NIPBL: variants seen among roughly 807,000 people sequenced by gnomAD.
The protein encoded by NIPBL is nipped-B-like protein.
A neutral mutation model predicts 321.8 loss-of-function variants in NIPBL; 19 were observed. The observed-to-expected ratio is 0.06, with a 90% CI of 0.04 to 0.09. The LOEUF is 0.09. Among genes scored for constraint, NIPBL ranks in the 10% least tolerant of loss-of-function variants. The pLI is 1.00. For synonymous variants in NIPBL, 1,106 were observed against 1,114.1 expected (o/e 0.99, Z 0.14); for missense variants, 2,210 against 3,327.0 (o/e 0.66, Z 8.26).
In NIPBL at chr5:37,064,008, G is replaced by A. The variant is rs777396886; in HGVS notation, c.8049+30G>A. ...GGCGGAGGAGGAGTCAACGTATTTC[G>A]CAGCGTATTACGTAAAATGATTTTT... On this transcript the variant is annotated intron_variant, in intron 46 of 46. Transcript: ENST00000282516. The A allele has an allele frequency of 3.4e-5, 54 of 1,611,260 alleles. No individual in the cohort carries two copies. Among genetic ancestry groups the A allele is most frequent in the Admixed American group, 5.0e-5 (3 of 59,572 alleles).
intron 24 of NIPBL, among the ~76,000 whole-genome samples, chr5:37,018,652 A>C (rs950499767): frequency 6.6e-6 from 1 of 152,276 alleles, no homozygotes; most frequent in South Asian, 2.1e-4. Context: ...ATGTATGGCT[A>C]TGTTGATTAT....
chr5:37,007,760 A>T (rs1288105069), intron 18 of NIPBL, among the ~76,000 whole-genome samples: 1 of 151,980 alleles, frequency 6.6e-6, no homozygotes, highest in Non-Finnish European at 1.5e-5. Context: ...TTCCTGTGAC[A>T]TTTGTAAACT....
intron 42 of NIPBL, among the ~76,000 whole-genome samples, chr5:37,056,067 T>G (rs902315844): frequency 6.6e-6 from 1 of 152,236 alleles, no homozygotes; most frequent in Admixed American, 6.5e-5. Flanking sequence ...AATACAGGGC[T>G]TTTATGGATG....
intron 1 of NIPBL, chr5:36,885,154 T>G (rs1429509357): frequency 2.1e-6 from 1 of 472,552 alleles, no homozygotes; most frequent in Non-Finnish European, 4.2e-6. Context: ...AAAATGCTAT[T>G]CAGGGTCAGC....
At chr5:36,878,157 A>T (rs963844687) in intron 1 of NIPBL, among the ~76,000 whole-genome samples, 2 of 152,206 alleles carry the variant, frequency 1.3e-5, no homozygotes, top group African/African-American at 4.8e-5. Flanking sequence ...AAATTAAGTT[A>T]TACTTAAAAT....
chr5:36,915,371 AAGTC>A (rs1406015778), intron 1 of NIPBL, among the ~76,000 whole-genome samples: 1 of 152,172 alleles, frequency 6.6e-6, no homozygotes, highest in Non-Finnish European at 1.5e-5. Context: ...GTTATAAACA[AAGTC>A]AGTTAACCAG....
chr5:36,946,434 T>TC (rs1739682499), intron 1 of NIPBL, among the ~76,000 whole-genome samples: 1 of 152,074 alleles, frequency 6.6e-6, no homozygotes, highest in South Asian at 2.1e-4. Context: ...GGTAGCTGTT[T>TC]CCTGTATTTG....
intron 9 of NIPBL, chr5:36,982,182 T>G: frequency 1.0e-6 from 1 of 969,240 alleles, no homozygotes; most frequent in Non-Finnish European, 1.2e-6. Context: ...TGTATTCTGA[T>G]AGCTAATCTT....
In NIPBL at chr5:36,971,037, G is replaced by T. The variant is rs587784048; in HGVS notation, c.771+1G>T. ...CATGGTGCACAGGCTAAGTAGTGAC[G>T]TATGTAATATATTATCATTAAGGTG... On this transcript the variant is annotated splice_donor_variant, in intron 7 of 46. Transcript: ENST00000282516. LOFTEE classifies it high-confidence loss of function. The T allele has an allele frequency of 6.2e-7, 1 of 1,607,880 alleles. No individual in the cohort carries two copies. The highest frequency in any genetic ancestry group is 8.5e-7 in the Non-Finnish European group (1 of 1,174,614).
chr5:37,015,389 G>T (rs1226304303), intron 22 of NIPBL, among the ~76,000 whole-genome samples: 1 of 152,158 alleles, frequency 6.6e-6, no homozygotes, highest in Non-Finnish European at 1.5e-5. Context: ...CTCCCAAAGT[G>T]CTGGGATTAC....
intron 16 of NIPBL, among the ~76,000 whole-genome samples, chr5:37,005,476 A>G (rs1747322094): frequency 6.6e-6 from 1 of 152,168 alleles, no homozygotes; most frequent in South Asian, 2.1e-4. Context: ...TATGTTGTGG[A>G]TAGCCTTAAC....
At chr5:36,939,600 G>A (rs1738841374) in intron 1 of NIPBL, among the ~76,000 whole-genome samples, 1 of 152,098 alleles carries the variant, frequency 6.6e-6, no homozygotes, top group Non-Finnish European at 1.5e-5. Context: ...AGTCCATTTT[G>A]TGCTGCTATA....
intron 10 of NIPBL, 102 bp from the exon 11 acceptor site, chr5:36,995,520 T>A: frequency 1.3e-6 from 1 of 764,626 alleles, no homozygotes; most frequent in Non-Finnish European, 2.2e-6. Context: ...AACAGTTGAT[T>A]TAGAAAACAA....
rs964847262 is a variant in NIPBL at position 36,877,057 on chromosome 5, C to T, written c.-201C>T. On this transcript the variant is annotated 5_prime_UTR_variant, in exon 1 of 47. Transcript: ENST00000282516. ...CTCGGCTGGTCTCCCCCCGGCTCTACATGTTCCCCGCACTGAGGAGACGGA... is the reference window on the plus strand; with the variant it reads ...CTCGGCTGGTCTCCCCCCGGCTCTATATGTTCCCCGCACTGAGGAGACGGA... The T allele has an allele frequency of 8.4e-6, 3 of 356,992 alleles. No individual in the cohort carries two copies. The highest frequency in any genetic ancestry group is 6.4e-5 in the African/African-American group (3 of 46,842). 22.1% of individuals were successfully genotyped at this position (356,992 alleles called of 1,614,324 possible). A position where few individuals can be genotyped will look rare whatever the true frequency, so the allele number is the denominator to read the frequency against.
At position 37,026,329 on chromosome 5, in the gene NIPBL, TAAG is replaced by T. The variant is rs756996385; in HGVS notation, c.5808+6_5808+8del. 3 of 1,567,264 alleles carry T rather than the reference TAAG, an allele frequency of 1.9e-6. No homozygotes were observed. Among genetic ancestry groups the T allele is most frequent in the Admixed American group, 3.3e-5 (2 of 59,732 alleles). ...AAAATTTTAAACATTACCGATGTGG[TAAG>T]AAGGACTGGAACAAGGGTGTGGTCA... On this transcript the variant is annotated splice_donor_5th_base_variant and intron_variant, in intron 31 of 46. Coordinates refer to ENST00000282516, the MANE Select transcript of NIPBL (RefSeq NM_133433.4).
chr5:36,957,281 C>T (rs897288496), intron 3 of NIPBL, among the ~76,000 whole-genome samples: 11 of 152,134 alleles, frequency 7.2e-5, no homozygotes, highest in Non-Finnish European at 2.9e-5. Context: ...TTTTCCCGCA[C>T]CATGACATTA....
Position 36,952,053 on chromosome 5 carries a change from T to TGTGTGTGTGTGCGTGCGC in NIPBL, c.-79-1564_-79-1563insTGTGTGTGTGCGTGCGCG, listed in dbSNP as rs778597604. ...GTGTGTGTGTGTGTGTGTGTGTGTG[T>TGTGTGTGTGTGCGTGCGC]GCGCGCGCGCGCGCGCGCGCATGTG... is the stretch of plus-strand genomic sequence containing the variant. On this transcript the variant is annotated intron_variant, in intron 1 of 46. Coordinates refer to ENST00000282516, the MANE Select transcript of NIPBL (RefSeq NM_133433.4). Among the ~76,000 whole-genome samples, 434 of 112,204 alleles carry TGTGTGTGTGTGCGTGCGC rather than the reference T, an allele frequency of 3.9e-3. 2 individuals are homozygous for TGTGTGTGTGTGCGTGCGC. The highest frequency in any genetic ancestry group is 6.4e-3 in the Non-Finnish European group (341 of 53,676). The allele number at this position is 112,204 out of a possible 152,430, so 73.6% of individuals were successfully genotyped here.
At chr5:37,032,386 CGTGTGTGT>C (rs58831894) in intron 32 of NIPBL, among the ~76,000 whole-genome samples, 13,425 of 123,508 alleles carry the variant, frequency 0.11, 1,061 homozygotes, top group African/African-American at 0.21. Context: ...TACATGTATA[CGTGTGTGT>C]GTGTGTGTGT....
At chr5:36,912,708 C>G (rs565237649) in intron 1 of NIPBL, among the ~76,000 whole-genome samples, 1 of 151,950 alleles carries the variant, frequency 6.6e-6, no homozygotes, top group Non-Finnish European at 1.5e-5. Context: ...TCCATTTTGT[C>G]GGGCTGGTCT....
Sources: gnomAD v4.1 joint callset for allele counts (sites outside exome capture counted in the v4.1 genomes callset) on GRCh38, gnomAD v4.1.1 for gene constraint, MANE v1.5 for transcripts, NCBI Gene and HGNC (gene_info 2026-07-23, HGNC 2026-07-21) for gene names.